The following SMAD2 variants were observed in gnomAD, a reference collection of about 807,000 sequenced individuals.
The protein encoded by SMAD2 is MAD homolog 2.
A neutral mutation model predicts 64.4 loss-of-function variants in SMAD2; 8 were observed. The observed-to-expected ratio is 0.12, with a 90% confidence interval of 0.07 to 0.22. The LOEUF is 0.22. Ranked by LOEUF, SMAD2 falls within the 10% of genes least tolerant of loss-of-function variation. The pLI, the probability that SMAD2 is intolerant of heterozygous loss-of-function variation, is 1.00. For synonymous variants in SMAD2, 203 were observed against 195.8 expected (o/e 1.04, Z -0.31); for missense variants, 289 against 561.2 (o/e 0.51, Z 4.90).
In SMAD2 at chr18:47,820,394, TTA is replaced by T. The variant is rs1470889425; in HGVS notation, c.*21431_*21432del. 1 of 152,114 alleles carries T rather than the reference TTA, an allele frequency of 6.6e-6. No individual in the cohort carries two copies. Among genetic ancestry groups the T allele is most frequent in the Non-Finnish European group, 1.5e-5 (1 of 68,024 alleles). The allele number at this position is 152,114 out of a possible 1,614,324, so 9.4% of individuals were successfully genotyped here. ...AAAAAAGATGTTTTGATGAGAAAAG[TTA>T]TAAGGCATAAAAATTGCTTTTTATT... is the stretch of plus-strand genomic sequence containing the variant. On this transcript the variant is annotated 3_prime_UTR_variant, in exon 11 of 11. Coordinates refer to ENST00000262160, the MANE Select transcript of SMAD2 (RefSeq NM_005901.6).
intron 6 of SMAD2, among the ~76,000 whole-genome samples, chr18:47,857,485 G>GT: frequency 6.6e-6 from 1 of 152,288 alleles, no homozygotes; most frequent in East Asian, 1.9e-4. Flanking sequence ...CTTATAGTTA[G>GT]TATGTAGAAG....
intron 2 of SMAD2, among the ~76,000 whole-genome samples, chr18:47,883,981 A>G (rs951311527): frequency 6.6e-6 from 1 of 152,100 alleles, no homozygotes; most frequent in African/African-American, 2.4e-5. Context: ...ATATTAGAGA[A>G]ATTTCAAACC....
chr18:47,907,762 A>T (rs2033963428), intron 1 of SMAD2, among the ~76,000 whole-genome samples: 1 of 152,102 alleles, frequency 6.6e-6, no homozygotes, highest in Non-Finnish European at 1.5e-5. Context: ...GACCAGTATG[A>T]GCAACATGGC....
rs1275157495 is a variant in SMAD2 at position 47,840,985 on chromosome 18, A to ACTGTATCC, written c.*834_*841dup. 1 of 232,538 alleles carries ACTGTATCC rather than the reference A, an allele frequency of 4.3e-6. No homozygotes were observed. The highest frequency in any genetic ancestry group is 2.2e-5 in the African/African-American group (1 of 45,306). 14.4% of individuals were successfully genotyped at this position (232,538 alleles called of 1,614,324 possible). A position where few individuals can be genotyped will look rare whatever the true frequency, so the allele number is the denominator to read the frequency against. ...AGGGACTTTCTCCATATGAATTCTT[A>ACTGTATCC]CTGTATCCCAGAATTAACTGGTGCC... is the stretch of plus-strand genomic sequence containing the variant. On this transcript the variant is annotated 3_prime_UTR_variant, in exon 11 of 11. Transcript: ENST00000262160.
intron 2 of SMAD2, among the ~76,000 whole-genome samples, chr18:47,872,802 G>C (rs576633749): frequency 3.3e-5 from 5 of 152,290 alleles, no homozygotes; most frequent in Non-Finnish European, 5.9e-5. Context: ...CACCACCACG[G>C]TCAGTGGAAA....
chr18:47,866,316 CAAAAAAAA>C (rs34302955), intron 5 of SMAD2, among the ~76,000 whole-genome samples: 497 of 42,104 alleles, frequency 0.012, 7 homozygotes, highest in African/African-American at 0.047. Flanking sequence ...AACACCGTCT[CAAAAAAAA>C]AAAAAAAAAA....
chr18:47,897,800 C>T (rs536529124), intron 1 of SMAD2, among the ~76,000 whole-genome samples: 30 of 152,172 alleles, frequency 2.0e-4, no homozygotes, highest in African/African-American at 5.5e-4. Flanking sequence ...AAAATTGTTT[C>T]GCTCCAGAAG....
rs62086545 is a variant in SMAD2, at chr18:47,853,456, G to T, written c.731-2129C>A. The T allele has an allele frequency of 8.5e-3, 1,789 of 210,602 alleles. 292 individuals carry two copies. Among genetic ancestry groups the T allele is most frequent in the Non-Finnish European group, 0.012 (1,343 of 111,122 alleles). 13.0% of individuals were successfully genotyped at this position (210,602 alleles called of 1,614,324 possible). A position where few individuals can be genotyped will look rare whatever the true frequency, so the allele number is the denominator to read the frequency against. Reference sequence around the variant, plus strand: ...GTCGCCTCGCTTGAATCCAGGAGGCGGAGGTTGCAGTGAGCTGAGGGCATC... The same window carrying T: ...GTCGCCTCGCTTGAATCCAGGAGGCTGAGGTTGCAGTGAGCTGAGGGCATC... On this transcript the variant is annotated intron_variant, in intron 6 of 10. Coordinates refer to ENST00000262160, the MANE Select transcript of SMAD2 (RefSeq NM_005901.6).
At position 47,838,069 on chromosome 18, in the gene SMAD2, G is replaced by A. The variant is rs1286701731; in HGVS notation, c.*3758C>T. ...TTTAAGAGGTAGAGAAACCAACTGG[G>A]TATATATTTTCTTTTATTTGATTTC... is the stretch of plus-strand genomic sequence containing the variant. On this transcript the variant is annotated 3_prime_UTR_variant, in exon 11 of 11. Coordinates refer to ENST00000262160, the MANE Select transcript of SMAD2 (RefSeq NM_005901.6). 1 of 232,832 alleles carries A rather than the reference G, an allele frequency of 4.3e-6. No individual in the cohort carries two copies. Among genetic ancestry groups the A allele is most frequent in the Non-Finnish European group, 8.5e-6 (1 of 117,634 alleles). The allele number at this position is 232,832 out of a possible 1,614,324, so 14.4% of individuals were successfully genotyped here.
At position 47,870,619 on chromosome 18, in the gene SMAD2, C is replaced by T. The variant is rs1452500861; in HGVS notation, c.237-55G>A. ...ATGTGAACATGGAAGCATGGTTATT[C>T]AAAATACCATGATGTAAAACATGGA... On this transcript the variant is annotated intron_variant, in intron 2 of 10. Coordinates refer to ENST00000262160, the MANE Select transcript of SMAD2 (RefSeq NM_005901.6). 3.8e-6 allele frequency: 4 copies of T among 1,059,602 alleles called. No homozygotes were observed. The African/African-American group carries it at 6.2e-5, about 16-fold the overall frequency. The allele number at this position is 1,059,602 out of a possible 1,614,324, so 65.6% of individuals were successfully genotyped here. A position where few individuals can be genotyped will look rare whatever the true frequency, so the allele number is the denominator to read the frequency against.
At position 47,903,879 on chromosome 18, in the gene SMAD2, G is replaced by T. The variant is rs1010862888; in HGVS notation, c.-53-7070C>A. The stretch of plus-strand genomic sequence containing the variant: ...CACAAAGAGGGAAAAAACAGTGTGG[G>T]GGGGGGGGGGACTCAGAATATCCAA... On this transcript the variant is annotated intron_variant, in intron 1 of 10. Transcript: ENST00000262160. Among the ~76,000 whole-genome samples, 52 of 139,398 alleles carry T rather than the reference G, an allele frequency of 3.7e-4. 3 individuals carry two copies. The highest frequency in any genetic ancestry group is 1.4e-3 in the African/African-American group (49 of 34,766). The allele number at this position is 139,398 out of a possible 152,430, so 91.5% of individuals were successfully genotyped here. A position where few individuals can be genotyped will look rare whatever the true frequency, so the allele number is the denominator to read the frequency against.
intron 5 of SMAD2, chr18:47,867,138 T>G (rs1409932050): frequency 6.6e-6 from 1 of 152,176 alleles, no homozygotes; most frequent in South Asian, 2.1e-4. Context: ...TCCCTCCTCC[T>G]AGTGTTATCA....
At chr18:47,886,356 T>C (rs1036326043) in intron 2 of SMAD2, among the ~76,000 whole-genome samples, 6 of 152,210 alleles carry the variant, frequency 3.9e-5, no homozygotes, top group South Asian at 2.1e-4. Flanking sequence ...TTTAAGCACA[T>C]AGATTAATGT....
At chr18:47,885,176 CACACACATAT>C (rs2032829579) in intron 2 of SMAD2, among the ~76,000 whole-genome samples, 1 of 141,668 alleles carries the variant, frequency 7.1e-6, no homozygotes, top group Admixed American at 7.0e-5. Context: ...CACACACACA[CACACACATAT>C]ACCCTCCCCC....
intron 6 of SMAD2, among the ~76,000 whole-genome samples, chr18:47,861,451 G>T (rs74253035): frequency 0.05 from 7,654 of 152,040 alleles, 588 homozygotes; most frequent in East Asian, 0.22. Context: ...CAGGAGAAAA[G>T]AATATACAAA....
chr18:47,811,659 G>A lies in SMAD2; in HGVS notation c.*30168C>T, dbSNP rs1249038300. 6.6e-6 allele frequency: 1 copy of A among 152,034 alleles called. No individual in the cohort carries two copies. Among genetic ancestry groups the A allele is most frequent in the Non-Finnish European group, 1.5e-5 (1 of 68,042 alleles). 9.4% of individuals were successfully genotyped at this position (152,034 alleles called of 1,614,324 possible). ...TATTCCAAAGTTCATCAGAACCTTT[G>A]ATCACAAAACAGACAATGAGAGCAG... On this transcript the variant is annotated 3_prime_UTR_variant, in exon 11 of 11. Transcript: ENST00000262160.
intron 2 of SMAD2, chr18:47,886,845 T>C (rs1458857314): frequency 6.3e-6 from 1 of 159,564 alleles, no homozygotes; most frequent in Non-Finnish European, 1.3e-5. Context: ...ATGATGATAA[T>C]AGAAGAAAAC....
Position 47,820,063 on chromosome 18 carries a change from T to C in SMAD2, c.*21764A>G, listed in dbSNP as rs1399280831. 6.6e-6 allele frequency: 1 copy of C among 152,148 alleles called. No individual in the cohort carries two copies. Among genetic ancestry groups the C allele is most frequent in the African/African-American group, 2.4e-5 (1 of 41,438 alleles). 9.4% of individuals were successfully genotyped at this position (152,148 alleles called of 1,614,324 possible). ...TAAAAATAGGATGTTAATGAACTTT[T>C]CATGTAATTTGAAATCTTATAAATT... On this transcript the variant is annotated 3_prime_UTR_variant, in exon 11 of 11. Coordinates refer to ENST00000262160, the MANE Select transcript of SMAD2 (RefSeq NM_005901.6).
chr18:47,887,496 T>C (rs2032974186), intron 2 of SMAD2, among the ~76,000 whole-genome samples: 2 of 152,186 alleles, frequency 1.3e-5, no homozygotes, highest in Admixed American at 6.5e-5. Context: ...CTATAGTTAG[T>C]TCCTGATGCA....
Sources: allele counts gnomAD v4.1 joint callset (sites outside exome capture counted in the v4.1 genomes callset), GRCh38; gene constraint gnomAD v4.1.1; transcripts MANE v1.5; gene names NCBI Gene and HGNC (gene_info 2026-07-23, HGNC 2026-07-21).